The following CAGE1 variants were observed in gnomAD, a reference collection of about 807,000 sequenced individuals.
CAGE1 encodes the protein cancer antigen 1.
CAGE1 carries 66 observed loss-of-function variants against 94.9 expected under a neutral mutation model. The ratio of observed to expected loss-of-function variants is 0.70; its 90% CI spans 0.57 to 0.85. CAGE1 has a LOEUF of 0.85. Ranked by LOEUF, CAGE1 falls within the 40% of genes least tolerant of loss-of-function variation. CAGE1 has a pLI of 0.00. For synonymous variants in CAGE1, 319 were observed against 321.0 expected (o/e 0.99, Z 0.07); for missense variants, 865 against 950.4 (o/e 0.91, Z 1.18).
intron 11 of CAGE1, among the ~76,000 whole-genome samples, chr6:7,345,100 A>G (rs1005059171): frequency 6.6e-6 from 1 of 151,270 alleles, no homozygotes; most frequent in Non-Finnish European, 1.5e-5. Flanking sequence ...GTAAATCTTA[A>G]CTCTTGTTGC....
intron 11 of CAGE1, chr6:7,338,815 A>T: frequency 1.0e-6 from 1 of 955,510 alleles, no homozygotes; most frequent in Non-Finnish European, 1.7e-6. Flanking sequence ...CAGACTCCAG[A>T]ATACAGCTGC....
intron 1 of CAGE1, 129 bp from the exon 2 acceptor site, chr6:7,387,325 A>G (rs1761154839): frequency 1.6e-6 from 1 of 620,682 alleles, no homozygotes; most frequent in Admixed American, 3.0e-5. Context: ...TATTAGAAAA[A>G]TTAAAAATTT....
intron 9 of CAGE1, among the ~76,000 whole-genome samples, chr6:7,358,847 T>G (rs1451153593): frequency 6.6e-6 from 1 of 151,628 alleles, no homozygotes; most frequent in African/African-American, 2.4e-5. Flanking sequence ...AAACTAGGAG[T>G]AGAATAATGG....
chr6:7,369,470 C>G (rs558409301), intron 6 of CAGE1, among the ~76,000 whole-genome samples: 2 of 152,312 alleles, frequency 1.3e-5, no homozygotes, highest in South Asian at 4.1e-4. Context: ...CTGAACTCAT[C>G]TGACAGCAAC....
At chr6:7,357,268 C>T (rs1278375837) in intron 9 of CAGE1, among the ~76,000 whole-genome samples, 2 of 152,104 alleles carry the variant, frequency 1.3e-5, no homozygotes, top group African/African-American at 2.4e-5. Flanking sequence ...ATTTAAGGTA[C>T]TTAATCTAGT....
chr6:7,350,594 A>G (rs1759736854), intron 11 of CAGE1, among the ~76,000 whole-genome samples: 1 of 152,222 alleles, frequency 6.6e-6, no homozygotes. Flanking sequence ...ACCGGAAATC[A>G]ACTCCAAAAG....
rs1759838567 is a variant in CAGE1 at position 7,353,062 on chromosome 6, A to G, written c.2369+1979T>C. 3.9e-5 allele frequency among the ~76,000 whole-genome samples: 6 copies of G among 152,368 alleles called. No individual in the cohort carries two copies. In the South Asian group the frequency reaches 1.2e-3, roughly 32 times the overall value. ...TAAATAGTTGAGACTTAAACTAAAGAGCTTTTGCATGGCAAAAGGAATAGT... is the reference window on the plus strand; with the variant it reads ...TAAATAGTTGAGACTTAAACTAAAGGGCTTTTGCATGGCAAAAGGAATAGT... On this transcript the variant is annotated intron_variant, in intron 11 of 13. Coordinates refer to ENST00000502583, the MANE Select transcript of CAGE1 (RefSeq NM_001170692.2).
intron 11 of CAGE1, among the ~76,000 whole-genome samples, chr6:7,353,213 C>T (rs1759843644): frequency 6.6e-6 from 1 of 152,020 alleles, no homozygotes; most frequent in Non-Finnish European, 1.5e-5. Flanking sequence ...ATAATCCCAT[C>T]AAAAAGTGGG....
intron 3 of CAGE1, among the ~76,000 whole-genome samples, chr6:7,379,312 G>A (rs146425096): frequency 6.6e-6 from 1 of 152,244 alleles, no homozygotes; most frequent in Non-Finnish European, 1.5e-5. Context: ...TTCTTTTGTT[G>A]TACTGTAATT....
chr6:7,381,908 C>T (rs932921301), intron 3 of CAGE1, among the ~76,000 whole-genome samples: 14 of 150,594 alleles, frequency 9.3e-5, no homozygotes, highest in African/African-American at 3.4e-4. Flanking sequence ...GGCGCGATCT[C>T]GGCTCGCTGC....
Position 7,376,549 on chromosome 6 carries a change from A to G in CAGE1, c.687+2068T>C, listed in dbSNP as rs1467310746. ...CCCTCGAGTGATGCTGGCACCATGG[A>G]CCTAGCCTCCAGAACCGTGAGCCAG... is the stretch of plus-strand genomic sequence containing the variant. On this transcript the variant is annotated intron_variant, in intron 4 of 13. Transcript: ENST00000502583. Among the ~76,000 whole-genome samples, 6 of 152,080 alleles carry G rather than the reference A, an allele frequency of 3.9e-5. No homozygotes were observed. In the East Asian group the frequency reaches 9.6e-4, roughly 24 times the overall value.
Position 7,352,301 on chromosome 6 carries a change from A to AAAC in CAGE1, c.2369+2739_2369+2740insGTT, listed in dbSNP as rs1554137861. Among the ~76,000 whole-genome samples, 143 of 112,608 alleles carry AAAC rather than the reference A, an allele frequency of 1.3e-3. 4 individuals are homozygous for AAAC. The highest frequency in any genetic ancestry group is 4.7e-3 in the African/African-American group (119 of 25,112). 73.9% of individuals were successfully genotyped at this position (112,608 alleles called of 152,430 possible). On this transcript the variant is annotated intron_variant, in intron 11 of 13. Transcript: ENST00000502583. ...TTTTACAATAGCTGCAAAAAAAAAA[A>AAAC]AAAACAAAAAAAAACAAAAAAAAAA...
At chr6:7,333,132 G>A (rs1432360742) in intron 12 of CAGE1, among the ~76,000 whole-genome samples, 1 of 151,970 alleles carries the variant, frequency 6.6e-6, no homozygotes, top group Non-Finnish European at 1.5e-5. Context: ...TGTATTTTTA[G>A]TAGAGACAGG....
rs541293020 is a variant in CAGE1 at position 7,337,872 on chromosome 6, T to G, written c.2370-3782A>C. 2.6e-5 allele frequency among the ~76,000 whole-genome samples: 4 copies of G among 152,360 alleles called. No homozygotes were observed. In the South Asian group the frequency reaches 8.3e-4, roughly 32 times the overall value. On this transcript the variant is annotated intron_variant, in intron 11 of 13. Transcript: ENST00000502583. ...TCCATATGAGTTTAGAATCAGCTTG[T>G]TAAGTTTATTTAAAATTGGAATTGC... is the stretch of plus-strand genomic sequence containing the variant.
intron 13 of CAGE1, among the ~76,000 whole-genome samples, chr6:7,329,648 C>T (rs1008601985): frequency 6.6e-6 from 1 of 152,006 alleles, no homozygotes; most frequent in Non-Finnish European, 1.5e-5. Context: ...TGTGAAGGAG[C>T]CCTACAAGAT....
At chr6:7,334,121 TA>T in intron 11 of CAGE1, 31 bp from the exon 12 acceptor site, 1 of 1,361,854 alleles carries the variant, frequency 7.3e-7, no homozygotes. Context: ...ATTTTATGAC[TA>T]AAATGGACTT....
At chr6:7,328,382 CA>C (rs1399290936) in intron 13 of CAGE1, among the ~76,000 whole-genome samples, 4 of 152,146 alleles carry the variant, frequency 2.6e-5, no homozygotes, top group Admixed American at 6.5e-5. Flanking sequence ...TGGGAGGAAG[CA>C]AGTCAGTTCC....
intron 9 of CAGE1, among the ~76,000 whole-genome samples, chr6:7,364,398 C>T (rs144319020): frequency 4.0e-4 from 61 of 152,216 alleles, no homozygotes; most frequent in Non-Finnish European, 8.2e-4. Context: ...TGTTTTGTTT[C>T]GCTTTCTAGC....
At chr6:7,327,996 A>G (rs1304665328) in intron 13 of CAGE1, among the ~76,000 whole-genome samples, 1 of 152,174 alleles carries the variant, frequency 6.6e-6, no homozygotes, top group Non-Finnish European at 1.5e-5. Flanking sequence ...TCTTAGTTCA[A>G]CTATGAGAAA....
Sources: allele counts gnomAD v4.1 joint callset (sites outside exome capture counted in the v4.1 genomes callset), GRCh38; gene constraint gnomAD v4.1.1; transcripts MANE v1.5; gene names NCBI Gene and HGNC (gene_info 2026-07-23, HGNC 2026-07-21).